The following FANCM variants were observed in gnomAD, a reference collection of about 807,000 sequenced individuals.
FANCM encodes FA complementation group M.
A neutral mutation model predicts 199.5 loss-of-function variants in FANCM; 140 were observed. The ratio of observed to expected loss-of-function variants is 0.70; its 90% CI spans 0.61 to 0.81. The LOEUF (loss-of-function observed/expected upper bound fraction) is 0.81, where lower values mean the gene tolerates loss of function less well. FANCM is among the 30% of genes least tolerant of loss of function. FANCM has a pLI of 0.00. For synonymous variants in FANCM, 840 were observed against 836.8 expected (o/e 1.00, Z -0.07); for missense variants, 2,410 against 2,421.4 (o/e 1.00, Z 0.10).
intron 6 of FANCM, 27 bp downstream of exon 6, chr14:45,154,079 A>G: frequency 6.8e-7 from 1 of 1,480,366 alleles, no homozygotes; most frequent in Non-Finnish European, 9.4e-7. Flanking sequence ...TATTTAAAGA[A>G]ATAATGACAT....
Position 45,189,185 on chromosome 14 carries a change from T to C in FANCM, c.5163T>C (p.Thr1721=), listed in dbSNP as rs1348275509. ...GSSAQSKVRS[T]PRVNPLAKQS... is the part of the protein sequence containing the mutation. ...CTGCGCAGTCCAAGGTGCGTTCTACTCCAAGAGTTAATCCATTAGCAAAGC... is the reference window on the plus strand; with the variant it reads ...CTGCGCAGTCCAAGGTGCGTTCTACCCCAAGAGTTAATCCATTAGCAAAGC... Residue 1721 remains threonine, a synonymous_variant, in exon 20 of 23, where the codon ACT becomes ACC. Transcript: ENST00000267430. 1 of 1,614,048 alleles carries C rather than the reference T, an allele frequency of 6.2e-7. No homozygotes were observed. The highest frequency in any genetic ancestry group is 8.5e-7 in the Non-Finnish European group (1 of 1,180,018).
At chr14:45,161,202 C>T (rs1887581383) in intron 9 of FANCM, among the ~76,000 whole-genome samples, 1 of 152,076 alleles carries the variant, frequency 6.6e-6, no homozygotes, top group Admixed American at 6.6e-5. Context: ...TCATTTATGT[C>T]AATAATATTT....
chr14:45,191,603 C>T (rs915356365), intron 20 of FANCM, among the ~76,000 whole-genome samples: 1 of 152,140 alleles, frequency 6.6e-6, no homozygotes, highest in Non-Finnish European at 1.5e-5. Context: ...GATAGTGATA[C>T]TTTGAAGAGG....
intron 9 of FANCM, among the ~76,000 whole-genome samples, chr14:45,160,818 G>A (rs1481395434): frequency 2.0e-5 from 3 of 152,160 alleles, no homozygotes; most frequent in Non-Finnish European, 4.4e-5. Flanking sequence ...TGGGATTACA[G>A]GCGTGAGCCA....
intron 3 of FANCM, among the ~76,000 whole-genome samples, chr14:45,141,307 AAG>A (rs1446616336): frequency 2.0e-5 from 3 of 151,264 alleles, no homozygotes; most frequent in Non-Finnish European, 4.4e-5. Context: ...AAAAAAAAAA[AAG>A]AAAGCAAAAA....
In FANCM at chr14:45,176,938, G is replaced by T. The variant is rs1203349245; in HGVS notation, c.4184G>T (p.Gly1395Val). 1.9e-6 allele frequency: 3 copies of T among 1,608,204 alleles called. No individual in the cohort carries two copies. Among genetic ancestry groups the T allele is most frequent in the Non-Finnish European group, 2.6e-6 (3 of 1,175,232 alleles). Reference sequence around the variant, plus strand: ...TCTCTAGAAAAGTCTAAAAGCAGTGGTCCAATGTATCTGCATAAATCCTGT... The same window carrying T: ...TCTCTAGAAAAGTCTAAAAGCAGTGTTCCAATGTATCTGCATAAATCCTGT... The part of the protein sequence containing the change: ...EFSLEKSKSS[G>V]PMYLHKSCHS... Residue 1395 changes from glycine to valine, a missense_variant, in exon 14 of 23, where the codon GGT (glycine) becomes GTT (valine). Coordinates refer to ENST00000267430, the MANE Select transcript of FANCM (RefSeq NM_020937.4).
intron 20 of FANCM, among the ~76,000 whole-genome samples, chr14:45,191,154 C>T (rs1889743637): frequency 1.3e-5 from 2 of 152,194 alleles, no homozygotes; most frequent in South Asian, 4.1e-4. Flanking sequence ...TTGATTTCTA[C>T]ACATCCAGTG....
At chr14:45,154,553 G>A in intron 6 of FANCM, 144 bp from the exon 7 acceptor site, 2 of 577,942 alleles carry the variant, frequency 3.5e-6, no homozygotes, top group Non-Finnish European at 3.0e-6. Flanking sequence ...ATATATGAAT[G>A]TAGAACTGCA....
intron 9 of FANCM, among the ~76,000 whole-genome samples, 181 bp downstream of exon 9, chr14:45,159,461 A>C (rs534842194): frequency 1.3e-5 from 2 of 151,630 alleles, no homozygotes; most frequent in African/African-American, 4.8e-5. Flanking sequence ...TGGTTTTGGA[A>C]CTTTTTTTTT....
In FANCM at chr14:45,175,175, C is replaced by T; in HGVS notation, c.2421C>T (p.Asp807=). 6.2e-7 allele frequency: 1 copy of T among 1,606,320 alleles called. No individual in the cohort carries two copies. Among genetic ancestry groups the T allele is most frequent in the Non-Finnish European group, 8.5e-7 (1 of 1,173,470 alleles). The change falls in exon 14 of 23, where the codon GAC becomes GAT. Residue 807 remains aspartate, a synonymous_variant. Coordinates refer to ENST00000267430, the MANE Select transcript of FANCM (RefSeq NM_020937.4). The part of the protein sequence containing the change: ...PRNESNNLAS[D]TFITHKKSSF... Reference sequence around the variant, plus strand: ...ATGAATCTAATAATCTTGCCAGTGACACCTTTATCACTCACAAGAAATCGT... The same window carrying T: ...ATGAATCTAATAATCTTGCCAGTGATACCTTTATCACTCACAAGAAATCGT...
rs1888597317 is a variant in FANCM at position 45,175,323 on chromosome 14, GT to G, written c.2570del (p.Val857GlyfsTer5). 2 of 1,561,174 alleles carry G rather than the reference GT, an allele frequency of 1.3e-6. No individual in the cohort carries two copies. The highest frequency in any genetic ancestry group is 1.7e-6 in the Non-Finnish European group (2 of 1,153,358). On this transcript the variant is annotated frameshift_variant, in exon 14 of 23. Transcript: ENST00000267430. LOFTEE classifies it high-confidence loss of function. ...TAAAATTGTTTCTTTAAAGAAAAAAGTGTCTAAAGAAATAAAAAAAGATCAG... is the reference window on the plus strand; with the variant it reads ...TAAAATTGTTTCTTTAAAGAAAAAAGGTCTAAAGAAATAAAAAAAGATCAG... ...PTKIVSLKKKVSKEIKKDQLK... is the reference protein window; with the variant it reads ...PTKIVSLKKKXSKEIKKDQLK...
At chr14:45,183,699 G>C (rs1889203115) in intron 16 of FANCM, 75 bp from the exon 17 acceptor site, 2 of 990,472 alleles carry the variant, frequency 2.0e-6, no homozygotes, top group East Asian at 5.0e-5. Context: ...ATGGCTCTGA[G>C]TTGTAAGAGC....
At chr14:45,157,858 A>G (rs1005418950) in intron 8 of FANCM, among the ~76,000 whole-genome samples, 6 of 152,218 alleles carry the variant, frequency 3.9e-5, no homozygotes, top group African/African-American at 1.4e-4. Context: ...CATACATAAA[A>G]TGCGTAGTGC....
chr14:45,141,245 G>A (rs1348439477), intron 3 of FANCM, among the ~76,000 whole-genome samples: 1 of 136,956 alleles, frequency 7.3e-6, no homozygotes, highest in African/African-American at 2.8e-5. Context: ...CCAAGATCTA[G>A]CCACTGCACT....
chr14:45,140,485 A>T, intron 2 of FANCM, 147 bp from the exon 3 acceptor site: 1 of 644,850 alleles, frequency 1.6e-6, no homozygotes, highest in Non-Finnish European at 2.8e-6. Context: ...TCTTCAGATA[A>T]TATAACTGGT....
chr14:45,197,357 AT>A (rs1277287394), intron 21 of FANCM, among the ~76,000 whole-genome samples: 1 of 152,184 alleles, frequency 6.6e-6, no homozygotes, highest in Non-Finnish European at 1.5e-5. Flanking sequence ...AGTGTAGTTT[AT>A]GTAAAACATT....
intron 3 of FANCM, among the ~76,000 whole-genome samples, chr14:45,142,285 A>T (rs1594757338): frequency 6.7e-6 from 1 of 148,506 alleles, no homozygotes. Context: ...GTCCCTTCTA[A>T]TCTGTGATGG....
intron 1 of FANCM, 114 bp from the exon 2 acceptor site, chr14:45,136,955 T>A: frequency 1.2e-6 from 1 of 831,144 alleles, no homozygotes. Context: ...ATTGTCAAAT[T>A]GTTTTTCTCT....
In FANCM at chr14:45,200,473, A is replaced by G. The variant is rs535518336; in HGVS notation, c.*465A>G. Reference sequence around the variant, plus strand: ...GTGTGGGTGATGGGTGGGTTGTGAGATAAATGACCCAGTAACTAGGAAAGT... The same window carrying G: ...GTGTGGGTGATGGGTGGGTTGTGAGGTAAATGACCCAGTAACTAGGAAAGT... On this transcript the variant is annotated 3_prime_UTR_variant, in exon 23 of 23. Coordinates refer to ENST00000267430, the MANE Select transcript of FANCM (RefSeq NM_020937.4). 11 of 153,400 alleles carry G rather than the reference A, an allele frequency of 7.2e-5. No homozygotes were observed. Among genetic ancestry groups the G allele is most frequent in the African/African-American group, 2.4e-4 (10 of 41,564 alleles). 9.5% of individuals were successfully genotyped at this position (153,400 alleles called of 1,614,324 possible).
Sources: allele counts gnomAD v4.1 joint callset (sites outside exome capture counted in the v4.1 genomes callset), GRCh38; gene constraint gnomAD v4.1.1; transcripts MANE v1.5; gene names NCBI Gene and HGNC (gene_info 2026-07-23, HGNC 2026-07-21).